ATP10B: variants seen among roughly 807,000 people sequenced by gnomAD.
ATP10B encodes the protein phospholipid-transporting ATPase VB.
ATP10B carries 122 observed loss-of-function variants against 141.2 expected under a neutral mutation model. The ratio of observed to expected loss-of-function variants is 0.86; its 90% confidence interval spans 0.75 to 1.00. The LOEUF is 1.00. ATP10B is among the 50% of genes least tolerant of loss of function. The pLI is 0.00. For synonymous variants in ATP10B, 685 were observed against 692.0 expected, an observed-to-expected ratio of 0.99 and a Z score of 0.16; for missense variants, 1,876 against 1,825.3, an observed-to-expected ratio of 1.03 and a Z score of -0.51.
chr5:160,902,227 C>T, the ATP10B span, among the ~76,000 whole-genome samples: 306 of 152,184 alleles, frequency 2.0e-3, 1 homozygote, highest in Admixed American at 2.1e-3. Flanking sequence ...AAAAATGAGA[C>T]CTTGTAAAAA....
rs1170629163 is a variant in ATP10B at position 160,704,914 on chromosome 5, C to CTTTTTTTTTTTTT, written c.-205+11982_-205+11994dup. Among the ~76,000 whole-genome samples the CTTTTTTTTTTTTT allele has an allele frequency of 4.3e-3, 357 of 83,632 alleles. 19 individuals carry two copies. The highest frequency in any genetic ancestry group is 8.9e-3 in the African/African-American group (154 of 17,232). The allele number at this position is 83,632 out of a possible 152,430, so 54.9% of individuals were successfully genotyped here. A position where few individuals can be genotyped will look rare whatever the true frequency, so the allele number is the denominator to read the frequency against. On this transcript the variant is annotated intron_variant, in intron 3 of 25. Coordinates refer to ENST00000327245, the MANE Select transcript of ATP10B (RefSeq NM_025153.3). ...TGCTAGCTTCCAACATTTCTTTCAT[C>CTTTTTTTTTTTTT]TTTTTTTTTTTTTTTTTTTTTGTTG...
At chr5:160,716,744 A>G (rs1462201297) in intron 3 of ATP10B, among the ~76,000 whole-genome samples, 165 bp downstream of exon 3, 1 of 152,222 alleles carries the variant, frequency 6.6e-6, no homozygotes, top group Non-Finnish European at 1.5e-5. Context: ...ATATGGAGGC[A>G]CCAAGGTCCT....
At chr5:160,717,743 A>G (rs1033498267) in intron 2 of ATP10B, among the ~76,000 whole-genome samples, 1 of 152,188 alleles carries the variant, frequency 6.6e-6, no homozygotes, top group Non-Finnish European at 1.5e-5. Context: ...TCATGGGAGC[A>G]TGTTTCAGGT....
the ATP10B span, among the ~76,000 whole-genome samples, chr5:160,864,539 C>T: frequency 6.6e-6 from 1 of 151,742 alleles, no homozygotes; most frequent in African/African-American, 2.4e-5. Context: ...ATTTTCATTA[C>T]TTCTATTCGA....
At chr5:160,587,569 T>A (rs1344668629) in intron 24 of ATP10B, among the ~76,000 whole-genome samples, 1 of 152,248 alleles carries the variant, frequency 6.6e-6, no homozygotes, top group Non-Finnish European at 1.5e-5. Context: ...GAGCATGGAA[T>A]GTTTTTCCAT....
At chr5:160,905,886 G>GA in the ATP10B span, among the ~76,000 whole-genome samples, 1,327 of 149,068 alleles carry the variant, frequency 8.9e-3, 19 homozygotes, top group African/African-American at 0.029. Flanking sequence ...TCACTGGCCT[G>GA]AAAAAAAAAA....
At chr5:160,795,835 A>G (rs1489170732) in intron 1 of ATP10B, among the ~76,000 whole-genome samples, 1 of 152,022 alleles carries the variant, frequency 6.6e-6, no homozygotes, top group East Asian at 1.9e-4. Flanking sequence ...TCTCCCCTAC[A>G]GCCCCCAGAG....
At chr5:160,893,339 G>A in the ATP10B span, among the ~76,000 whole-genome samples, 1 of 152,180 alleles carries the variant, frequency 6.6e-6, no homozygotes, top group African/African-American at 2.4e-5. Context: ...AAGTCCACCT[G>A]GGATGCTTGA....
At chr5:160,842,085 G>A (rs182607465) in intron 1 of ATP10B, among the ~76,000 whole-genome samples, 7 of 152,244 alleles carry the variant, frequency 4.6e-5, no homozygotes, top group Admixed American at 4.6e-4. Flanking sequence ...TAGCCATAAA[G>A]CAAGTCTCAA....
the ATP10B span, among the ~76,000 whole-genome samples, chr5:160,876,613 G>T: frequency 6.6e-5 from 10 of 151,472 alleles, no homozygotes; most frequent in Admixed American, 5.9e-4. Context: ...TTTTTGAAAG[G>T]ATCAACAAAA....
At chr5:160,859,752 C>A in the ATP10B span, among the ~76,000 whole-genome samples, 1 of 151,886 alleles carries the variant, frequency 6.6e-6, no homozygotes, top group Non-Finnish European at 1.5e-5. Context: ...GACTAGATAA[C>A]TAAGTTTAGT....
At chr5:160,607,737 A>C (rs901770056) in intron 18 of ATP10B, among the ~76,000 whole-genome samples, 4 of 152,216 alleles carry the variant, frequency 2.6e-5, no homozygotes, top group Admixed American at 2.6e-4. Flanking sequence ...TTATTGATGG[A>C]AATAAACTTA....
chr5:160,781,407 CG>C (rs1238431776), intron 2 of ATP10B, among the ~76,000 whole-genome samples: 1 of 151,936 alleles, frequency 6.6e-6, no homozygotes, highest in East Asian at 1.9e-4. Context: ...GTGGTGTTGT[CG>C]GTTTGTGATG....
chr5:160,812,639 C>A lies in ATP10B; in HGVS notation c.-575-26836G>T, dbSNP rs187594501. ...AAGGATTCATCAGAGTCTTTAATAGCAGAATTGATCAGGCAAAAGAAAGAA... is the reference window on the plus strand; with the variant it reads ...AAGGATTCATCAGAGTCTTTAATAGAAGAATTGATCAGGCAAAAGAAAGAA... On this transcript the variant is annotated intron_variant, in intron 1 of 25. Transcript: ENST00000327245. 1.1e-3 allele frequency among the ~76,000 whole-genome samples: 167 copies of A among 152,038 alleles called. 2 individuals carry two copies. Among genetic ancestry groups the A allele is most frequent in the African/African-American group, 3.9e-3 (161 of 41,464 alleles).
intron 1 of ATP10B, 108 bp from the exon 2 acceptor site, chr5:160,785,911 T>G: frequency 4.2e-6 from 1 of 236,744 alleles, no homozygotes; most frequent in Non-Finnish European, 8.3e-6. Flanking sequence ...GCTTTAGCTT[T>G]AGACACACTT....
Position 160,615,835 on chromosome 5 carries a change from T to C in ATP10B, c.2653+3A>G. The C allele has an allele frequency of 6.2e-7, 1 of 1,608,920 alleles. No homozygotes were observed. Among genetic ancestry groups the C allele is most frequent in the South Asian group, 1.1e-5 (1 of 90,746 alleles). ...CCTATAATAATGACTTATTTTTAGCTACCAAGTAAGGTGAGTTGATTCTCC... is the reference window on the plus strand; with the variant it reads ...CCTATAATAATGACTTATTTTTAGCCACCAAGTAAGGTGAGTTGATTCTCC... On this transcript the variant is annotated splice_donor_region_variant and intron_variant, in intron 17 of 25. Transcript: ENST00000327245.
chr5:160,764,391 G>T (rs974431287), intron 2 of ATP10B, among the ~76,000 whole-genome samples: 2 of 152,062 alleles, frequency 1.3e-5, no homozygotes, highest in Non-Finnish European at 2.9e-5. Flanking sequence ...TACCAGGGAC[G>T]CAGGGCTGGT....
intron 16 of ATP10B, among the ~76,000 whole-genome samples, chr5:160,617,271 C>T (rs115013543): frequency 0.014 from 2,061 of 152,292 alleles, 42 homozygotes; most frequent in African/African-American, 0.048. Context: ...GTTGCAAAGT[C>T]AAAGATCTTG....
intron 22 of ATP10B, among the ~76,000 whole-genome samples, chr5:160,592,470 C>A (rs1371509450): frequency 6.6e-6 from 1 of 152,228 alleles, no homozygotes; most frequent in Non-Finnish European, 1.5e-5. Context: ...TGGTCTACAG[C>A]TCCCAGCATG....
Sources: gnomAD v4.1 joint callset for allele counts (sites outside exome capture counted in the v4.1 genomes callset) on GRCh38, gnomAD v4.1.1 for gene constraint, MANE v1.5 for transcripts, NCBI Gene and HGNC (gene_info 2026-07-23, HGNC 2026-07-21) for gene names.